The following SSH1 variants were observed in gnomAD, a reference collection of about 807,000 sequenced individuals.
SSH1 encodes protein phosphatase Slingshot homolog 1.
In SSH1, 43 loss-of-function variants were observed where a neutral mutation model predicts 79.7. The observed-to-expected ratio is 0.54, with a 90% CI of 0.42 to 0.70. SSH1 has a LOEUF of 0.70. SSH1 is among the 30% of genes least tolerant of loss of function. The probability of loss-of-function intolerance (pLI) is 0.00; values close to 1 mark genes in which losing one functional copy is unlikely to be tolerated. For missense variants in SSH1, 1,206 were observed against 1,358.8 expected (o/e 0.89, Z 1.77); for synonymous variants, 599 against 538.3 (o/e 1.11, Z -1.56).
intron 2 of SSH1, among the ~76,000 whole-genome samples, chr12:108,826,679 G>A (rs1566006356): frequency 1.3e-5 from 2 of 152,138 alleles, no homozygotes; most frequent in East Asian, 3.9e-4. Flanking sequence ...CGCCCTCTGC[G>A]TGGCTGACCT....
At chr12:108,856,439 G>A (rs2039144892) in intron 1 of SSH1, among the ~76,000 whole-genome samples, 1 of 152,232 alleles carries the variant, frequency 6.6e-6, no homozygotes, top group Admixed American at 6.5e-5. Flanking sequence ...ACAGTGCCAG[G>A]ACACGCAACC....
At chr12:108,800,433 C>T (rs1347291203) in intron 12 of SSH1, among the ~76,000 whole-genome samples, 6 of 152,110 alleles carry the variant, frequency 3.9e-5, no homozygotes, top group Admixed American at 2.6e-4. Context: ...AGGGGTGGGG[C>T]CCCTGAGTGT....
At position 108,857,400 on chromosome 12, in the gene SSH1, G is replaced by C. The variant is rs1441969535; in HGVS notation, c.69+28C>G. 89 of 1,015,732 alleles carry C rather than the reference G, an allele frequency of 8.8e-5. No homozygotes were observed. Among genetic ancestry groups the C allele is most frequent in the Non-Finnish European group, 9.9e-5 (84 of 849,544 alleles). 62.9% of individuals were successfully genotyped at this position (1,015,732 alleles called of 1,614,324 possible). A position where few individuals can be genotyped will look rare whatever the true frequency, so the allele number is the denominator to read the frequency against. ...CCTCGGCGCGGCGTCCGGCGGCCCA[G>C]GCCGGGCGCGGCGAGCCCGGGGCTC... On this transcript the variant is annotated intron_variant, in intron 1 of 14. Transcript: ENST00000326495. This position sits in a 1 kb window ranked among gnomAD's most constrained non-coding sequence, Gnocchi z 4.7.
rs2036541172 is a variant in SSH1, at chr12:108,792,322, G to A, written c.1857C>T (p.Asn619=). The change falls in exon 14 of 15, where the codon AAC becomes AAT. Residue 619 remains asparagine, a synonymous_variant. Coordinates refer to ENST00000326495, the MANE Select transcript of SSH1 (RefSeq NM_018984.4). The stretch of plus-strand genomic sequence containing the variant: ...TGGGACAGCTCCTCTTGCTGTTGTT[G>A]TTTAGGTTCTCCGAGTTGAGCAGGT... ...DQNLLNSENL[N]NNSKRSCPNG... 1 of 1,614,198 alleles carries A rather than the reference G, an allele frequency of 6.2e-7. No homozygotes were observed. Among genetic ancestry groups the A allele is most frequent in the Admixed American group, 1.7e-5 (1 of 60,026 alleles).
At chr12:108,806,275 T>C in intron 9 of SSH1, 26 bp downstream of exon 9, 2 of 1,605,644 alleles carry the variant, frequency 1.2e-6, no homozygotes, top group Non-Finnish European at 1.7e-6. Flanking sequence ...ACCTCTGACC[T>C]GCAATGAAGG....
intron 3 of SSH1, among the ~76,000 whole-genome samples, chr12:108,819,715 G>A (rs550174086): frequency 8.5e-5 from 13 of 152,140 alleles, no homozygotes; most frequent in Non-Finnish European, 1.5e-4. Context: ...TGTAGTCCCA[G>A]CTACTTGGGA....
chr12:108,819,107 G>A (rs770535472), intron 3 of SSH1, among the ~76,000 whole-genome samples: 11 of 152,082 alleles, frequency 7.2e-5, no homozygotes, highest in African/African-American at 2.4e-4. Flanking sequence ...TTCCATAACC[G>A]GGGGGGCGGG....
intron 2 of SSH1, chr12:108,826,396 G>A (rs1446079297): frequency 6.5e-6 from 2 of 306,626 alleles, no homozygotes; most frequent in Non-Finnish European, 6.4e-6. Context: ...TCAAGTAACA[G>A]GCATTTACTG....
intron 3 of SSH1, among the ~76,000 whole-genome samples, chr12:108,819,786 A>C (rs945616061): frequency 5.3e-5 from 8 of 152,228 alleles, no homozygotes; most frequent in African/African-American, 1.7e-4. Flanking sequence ...CAACACGATA[A>C]GACCCTGTCT....
intron 14 of SSH1, among the ~76,000 whole-genome samples, chr12:108,791,544 G>T (rs2036500301): frequency 6.6e-6 from 1 of 152,164 alleles, no homozygotes; most frequent in African/African-American, 2.4e-5. Context: ...AAGCCAAGGT[G>T]GGCAGATGGC....
rs796241749 is a variant in SSH1 at position 108,822,835 on chromosome 12, T to A, written c.214+423A>T. On this transcript the variant is annotated intron_variant, in intron 3 of 14. Coordinates refer to ENST00000326495, the MANE Select transcript of SSH1 (RefSeq NM_018984.4). ...GAGCCAAAGGCCCTTCAAGAAATTCTCCAAATGAGTGTTTTTCAAATGCTT... is the reference window on the plus strand; with the variant it reads ...GAGCCAAAGGCCCTTCAAGAAATTCACCAAATGAGTGTTTTTCAAATGCTT... Among the ~76,000 whole-genome samples the A allele has an allele frequency of 3.9e-5, 6 of 152,224 alleles. No homozygotes were observed. In the South Asian group the frequency reaches 1.2e-3, roughly 31 times the overall value.
In SSH1 at chr12:108,792,629, G is replaced by A. The variant is rs2036558777; in HGVS notation, c.1550C>T (p.Pro517Leu). ...TTCATCCTCAGGGGAAGGCAGAAGG[G>A]GGTCTGAGAGTCGCCGGAAACAGCA... The part of the protein sequence containing the change: ...LPCCFRRLSD[P>L]LLPSPEDETG... Residue 517 changes from proline to leucine, a missense_variant, in exon 14 of 15, where the codon CCC becomes CTC. By Grantham distance (98) the Pro-to-Leu change is moderately conservative. Transcript: ENST00000326495. The A allele has an allele frequency of 1.9e-6, 3 of 1,612,196 alleles. No homozygotes were observed. Among genetic ancestry groups the A allele is most frequent in the South Asian group, 1.1e-5 (1 of 91,066 alleles).
chr12:108,846,925 G>T (rs1465941285), intron 2 of SSH1, among the ~76,000 whole-genome samples: 1 of 151,948 alleles, frequency 6.6e-6, no homozygotes, highest in African/African-American at 2.4e-5. Flanking sequence ...TTGAGACAGG[G>T]TCTTGCTGTC....
Position 108,788,696 on chromosome 12 carries a change from AATG to A in SSH1, c.2439_2441del (p.Ile814del), listed in dbSNP as rs753560817. The A allele has an allele frequency of 3.1e-6, 5 of 1,614,056 alleles. No homozygotes were observed. In the African/African-American group the frequency reaches 6.7e-5, roughly 22 times the overall value. On this transcript the variant is annotated inframe_deletion, in exon 15 of 15. Transcript: ENST00000326495. The stretch of plus-strand genomic sequence containing the variant: ...GGACCAAGCCTGCCTTCTGCAGCTG[AATG>A]ATGGACTCCTGGTGCTGCATCAGGT...
Position 108,788,183 on chromosome 12 carries a change from G to A in SSH1, c.2955C>T (p.Leu985=), listed in dbSNP as rs776967409. The A allele has an allele frequency of 1.2e-6, 2 of 1,613,936 alleles. No homozygotes were observed. Among genetic ancestry groups the A allele is most frequent in the Admixed American group, 3.3e-5 (2 of 59,982 alleles). The change falls in exon 15 of 15, where the codon CTC becomes CTT. Residue 985 remains leucine (L), a synonymous_variant. Transcript: ENST00000326495. ...RSHSLAKLGS[L]TFSTEDLSSE... ...TGGACAGGTCTTCCGTTGAGAAGGT[G>A]AGACTCCCCAGCTTGGCAAGAGAGT...
chr12:108,837,191 C>T (rs191952063), intron 2 of SSH1, among the ~76,000 whole-genome samples: 84 of 152,234 alleles, frequency 5.5e-4, no homozygotes, highest in Admixed American at 3.9e-3. Flanking sequence ...GAGATATCAC[C>T]GCTGCACTCC....
chr12:108,817,506 C>T (rs1593080342), intron 4 of SSH1: 3 of 349,562 alleles, frequency 8.6e-6, no homozygotes, highest in South Asian at 2.3e-5. Flanking sequence ...ACCCGGGAAG[C>T]GGAGGTTGCA....
intron 10 of SSH1, among the ~76,000 whole-genome samples, chr12:108,804,811 A>G (rs1163541349): frequency 6.6e-6 from 1 of 152,200 alleles, no homozygotes; most frequent in Non-Finnish European, 1.5e-5. Flanking sequence ...TACGCCAAAT[A>G]GCTCCCAAAC....
chr12:108,788,842 G>T lies in SSH1; in HGVS notation c.2296C>A (p.Pro766Thr), dbSNP rs1374586925. 2 of 1,614,196 alleles carry T rather than the reference G, an allele frequency of 1.2e-6. No homozygotes were observed. Among genetic ancestry groups the T allele is most frequent in the South Asian group, 2.2e-5 (2 of 91,084 alleles). ...TTTATTACCACTTCTGTGCTGGGAG[G>T]GTTCTTATCACAGTGAGAATTCTTC... ...LLKNSHCDKN[P>T]PSTEVVIKEE... Residue 766 changes from proline to threonine, a missense_variant, in exon 15 of 15, where the codon CCT becomes ACT. Transcript: ENST00000326495.
Sources: allele counts gnomAD v4.1 joint callset (sites outside exome capture counted in the v4.1 genomes callset), GRCh38; gene constraint gnomAD v4.1.1; non-coding constraint Gnocchi (gnomAD v3.1); transcripts MANE v1.5; gene names NCBI Gene and HGNC (gene_info 2026-07-23, HGNC 2026-07-21).